The following PTK2 variants were observed in gnomAD, a reference collection of about 807,000 sequenced individuals.
PTK2 encodes the protein focal adhesion kinase 1.
In PTK2, 45 loss-of-function variants were observed where a neutral mutation model predicts 150.1. That is an observed-to-expected ratio of 0.30 (90% CI 0.24 to 0.38). The LOEUF (loss-of-function observed/expected upper bound fraction) is 0.38, where lower values mean the gene tolerates loss of function less well. Ranked by LOEUF, PTK2 falls within the 10% of genes least tolerant of loss-of-function variation. PTK2 has a pLI of 1.00. For synonymous variants in PTK2, 432 were observed against 449.2 expected (o/e 0.96, Z 0.48); for missense variants, 919 against 1,307.3 (o/e 0.70, Z 4.58).
intron 10 of PTK2, among the ~76,000 whole-genome samples, chr8:140,810,373 G>A (rs1371173156): frequency 2.6e-5 from 4 of 152,198 alleles, no homozygotes; most frequent in Admixed American, 2.6e-4. Flanking sequence ...CTATCAGAAG[G>A]GGGTTAGTCT....
At chr8:140,705,946 C>T (rs976352064) in intron 24 of PTK2, among the ~76,000 whole-genome samples, 173 bp downstream of exon 27, 2 of 152,210 alleles carry the variant, frequency 1.3e-5, no homozygotes, top group African/African-American at 4.8e-5. Context: ...ACGCCTTCTG[C>T]GTGGGGTGTC....
chr8:140,946,427 C>T (rs2100177727), intron 1 of PTK2, among the ~76,000 whole-genome samples: 1 of 152,116 alleles, frequency 6.6e-6, no homozygotes, highest in African/African-American at 2.4e-5. Flanking sequence ...GAGAGAAAAT[C>T]CCTACCTACC....
At position 140,955,337 on chromosome 8, in the gene PTK2, G is replaced by A. The variant is rs116709382; in HGVS notation, c.-121-29588C>T. Reference sequence around the variant, plus strand: ...AGATCTGAGGGTTTTATATAGGGGAGTTCCCCTGCACACACTCTCTCTTGC... The same window carrying A: ...AGATCTGAGGGTTTTATATAGGGGAATTCCCCTGCACACACTCTCTCTTGC... On this transcript the variant is annotated intron_variant, in intron 1 of 31. Coordinates refer to ENST00000522684, the Ensembl canonical transcript of PTK2. Among the ~76,000 whole-genome samples the A allele has an allele frequency of 7.4e-3, 1,127 of 152,220 alleles. 12 individuals are homozygous for A. The highest frequency in any genetic ancestry group is 0.025 in the African/African-American group (1,042 of 41,540).
At chr8:141,000,402 T>C (rs1716916157) in intron 1 of PTK2, among the ~76,000 whole-genome samples, 1 of 152,148 alleles carries the variant, frequency 6.6e-6, no homozygotes, top group East Asian at 1.9e-4. Flanking sequence ...AGCCCACCCT[T>C]GGCTGCCCGC....
At chr8:140,967,010 A>C (rs1024313934) in intron 1 of PTK2, among the ~76,000 whole-genome samples, 7 of 152,194 alleles carry the variant, frequency 4.6e-5, no homozygotes, top group African/African-American at 1.4e-4. Flanking sequence ...AACAATCCTG[A>C]TCATAACAAT....
chr8:140,911,359 T>C (rs1446763815), intron 2 of PTK2, among the ~76,000 whole-genome samples: 1 of 152,060 alleles, frequency 6.6e-6, no homozygotes, highest in Non-Finnish European at 1.5e-5. Flanking sequence ...TTAAATCTTT[T>C]CAATCTTACA....
intron 29 of PTK2, chr8:140,668,869 A>G (rs2093941603): frequency 6.3e-6 from 1 of 158,472 alleles, no homozygotes; most frequent in Non-Finnish European, 1.4e-5. Flanking sequence ...TGAAAACGGT[A>G]TGGCTCAGCT....
At chr8:140,796,224 T>C (rs573271878) in intron 12 of PTK2, among the ~76,000 whole-genome samples, 1 of 152,306 alleles carries the variant, frequency 6.6e-6, no homozygotes, top group South Asian at 2.1e-4. Context: ...GAGATAGTTG[T>C]GAGGCTTAAC....
At chr8:140,670,562 AAAAAC>A (rs2095153344) in intron 29 of PTK2, among the ~76,000 whole-genome samples, 1 of 150,832 alleles carries the variant, frequency 6.6e-6, no homozygotes, top group African/African-American at 2.4e-5. Flanking sequence ...TTTAAAAACA[AAAAAC>A]AAAAGTAGAA....
chr8:140,858,759 C>T lies in PTK2; in HGVS notation c.450+5553G>A, dbSNP rs532014039. 5.9e-5 allele frequency among the ~76,000 whole-genome samples: 9 copies of T among 152,220 alleles called. No individual in the cohort carries two copies. In the South Asian group the frequency reaches 1.9e-3, roughly 32 times the overall value. On this transcript the variant is annotated intron_variant, in intron 5 of 31. Coordinates refer to ENST00000522684, the Ensembl canonical transcript of PTK2. ...TTGAAATAATGGCTATTTATTGAGC[C>T]TGTGCCAAACAATTACAGAAGACAC...
At chr8:140,693,663 TC>T (rs1255740936) in intron 26 of PTK2, among the ~76,000 whole-genome samples, 1 of 140,068 alleles carries the variant, frequency 7.1e-6, no homozygotes, top group Non-Finnish European at 1.5e-5. Context: ...GGCAAGAGCA[TC>T]CGGGCTGCTA....
At chr8:140,919,649 C>G (rs1475655357) in intron 2 of PTK2, among the ~76,000 whole-genome samples, 3 of 152,072 alleles carry the variant, frequency 2.0e-5, no homozygotes, top group Non-Finnish European at 2.9e-5. Context: ...TTCTTTGGCT[C>G]TGAACACTAT....
chr8:140,779,273 AG>A, intron 14 of PTK2, among the ~76,000 whole-genome samples: 1 of 151,252 alleles, frequency 6.6e-6, no homozygotes, highest in Non-Finnish European at 1.5e-5. Flanking sequence ...AAAAAAAAAA[AG>A]AAGACATGCT....
At chr8:140,947,882 T>TAAA (rs577133415) in intron 1 of PTK2, among the ~76,000 whole-genome samples, 77 of 151,986 alleles carry the variant, frequency 5.1e-4, no homozygotes, top group Non-Finnish European at 9.0e-4. Flanking sequence ...GGACAAAAAA[T>TAAA]AATAATAATA....
chr8:140,998,687 C>T (rs1349071982), intron 1 of PTK2, among the ~76,000 whole-genome samples: 3 of 151,840 alleles, frequency 2.0e-5, no homozygotes, highest in African/African-American at 7.3e-5. Context: ...GGCGTGGTGG[C>T]GGGCGCCTGT....
At chr8:140,937,287 ACTTC>A (rs1196516889) in intron 1 of PTK2, among the ~76,000 whole-genome samples, 1 of 152,196 alleles carries the variant, frequency 6.6e-6, no homozygotes, top group Non-Finnish European at 1.5e-5. Context: ...TTTTATACTT[ACTTC>A]CTGAGGAAAT....
chr8:140,793,332 G>C (rs1177835177), intron 13 of PTK2, 22 bp downstream of exon 13: 1 of 1,597,780 alleles, frequency 6.3e-7, no homozygotes, highest in East Asian at 2.3e-5. Flanking sequence ...CAAAATAACA[G>C]TACAAAAAAA....
intron 10 of PTK2, among the ~76,000 whole-genome samples, chr8:140,816,369 T>C (rs2100104732): frequency 6.6e-6 from 1 of 152,160 alleles, no homozygotes; most frequent in Admixed American, 6.5e-5. Context: ...TTTCACAAAA[T>C]TTCACAAAAA....
At position 140,743,423 on chromosome 8, in the gene PTK2, A is replaced by T. The variant is rs947878785; in HGVS notation, c.1635-93T>A. On this transcript the variant is annotated intron_variant, in intron 19 of 31. Transcript: ENST00000522684. ...AAGACATACCAATAGGCACTTTGAA[A>T]GACAGCTTATATACAATGCGAGCAG... 38 of 872,498 alleles carry T rather than the reference A, an allele frequency of 4.4e-5. No individual in the cohort carries two copies. In the Admixed American group the frequency reaches 6.0e-4, roughly 14 times the overall value. The allele number at this position is 872,498 out of a possible 1,614,324, so 54.0% of individuals were successfully genotyped here.
Sources: gnomAD v4.1 joint callset for allele counts (sites outside exome capture counted in the v4.1 genomes callset) on GRCh38, gnomAD v4.1.1 for gene constraint, MANE v1.5 for transcripts, NCBI Gene and HGNC (gene_info 2026-07-23, HGNC 2026-07-21) for gene names.